Variants in TANC1 observed in about 807,000 individuals in gnomAD.
TANC1 encodes the protein tetratricopeptide repeat, ankyrin repeat and coiled-coil containing 1.
Under a neutral mutation model 149.7 loss-of-function variants are expected in TANC1, and 77 were observed. That is an observed-to-expected ratio of 0.51 (90% CI 0.43 to 0.62). The LOEUF is 0.62. Ranked by LOEUF, TANC1 falls within the 20% of genes least tolerant of loss-of-function variation. The pLI, the probability that TANC1 is intolerant of heterozygous loss-of-function variation, is 0.00. For missense variants in TANC1, 1,985 were observed against 2,321.8 expected (o/e 0.85, Z 2.98); for synonymous variants, 854 against 925.0 (o/e 0.92, Z 1.39).
At chr2:159,225,504 T>C in intron 23 of TANC1, 184 bp from the exon 24 acceptor site, 1 of 606,266 alleles carries the variant, frequency 1.6e-6, no homozygotes, top group Non-Finnish European at 3.0e-6. Flanking sequence ...CAGATTTGAG[T>C]GCCCAGGTCA....
chr2:159,202,892 T>A (rs922510780), intron 19 of TANC1, among the ~76,000 whole-genome samples: 6 of 152,052 alleles, frequency 3.9e-5, no homozygotes, highest in African/African-American at 1.4e-4. Flanking sequence ...TCCATGTCAG[T>A]GTTTGCTGTG....
chr2:159,054,092 T>A (rs2041669712), intron 2 of TANC1, among the ~76,000 whole-genome samples: 1 of 152,224 alleles, frequency 6.6e-6, no homozygotes, highest in Non-Finnish European at 1.5e-5. Context: ...TTCCACCTGT[T>A]GAGCAGCTTT....
intron 3 of TANC1, among the ~76,000 whole-genome samples, chr2:159,077,767 C>T (rs1291712892): frequency 3.3e-5 from 5 of 152,034 alleles, no homozygotes; most frequent in Non-Finnish European, 7.4e-5. Context: ...CAAGTCAGTT[C>T]TAGAGTGAAT....
intron 1 of TANC1, among the ~76,000 whole-genome samples, chr2:158,984,593 A>G (rs1330099277): frequency 6.6e-6 from 1 of 152,178 alleles, no homozygotes; most frequent in East Asian, 1.9e-4. Context: ...TCAGGGTTTG[A>G]GGCCCAGTGC....
intron 1 of TANC1, among the ~76,000 whole-genome samples, chr2:158,993,646 A>G (rs1452741812): frequency 6.6e-6 from 1 of 152,140 alleles, no homozygotes; most frequent in Non-Finnish European, 1.5e-5. Context: ...TTTTTTTGTT[A>G]AATTTTTTAA....
intron 10 of TANC1, 76 bp from the exon 11 acceptor site, chr2:159,172,044 AC>A (rs2055313466): frequency 8.3e-6 from 12 of 1,437,750 alleles, no homozygotes; most frequent in Non-Finnish European, 1.2e-5. Flanking sequence ...ATGCCCTGGC[AC>A]AAATCAAGAA....
intron 1 of TANC1, among the ~76,000 whole-genome samples, chr2:158,979,600 C>T (rs1257219888): frequency 6.6e-6 from 1 of 152,054 alleles, no homozygotes; most frequent in African/African-American, 2.4e-5. Flanking sequence ...AACTGAAAGA[C>T]TCAAAAGAGC....
rs192955504 is a variant in TANC1 at position 159,144,887 on chromosome 2, A to C, written c.365-4255A>C. On this transcript the variant is annotated intron_variant, in intron 5 of 26. Coordinates refer to ENST00000263635, the MANE Select transcript of TANC1 (RefSeq NM_033394.3). Reference sequence around the variant, plus strand: ...GTCAAACCAAGGGCCTGTCTCATTTAGCAGACTAGATTCACAAGTGCTATC... The same window carrying C: ...GTCAAACCAAGGGCCTGTCTCATTTCGCAGACTAGATTCACAAGTGCTATC... 1.4e-4 allele frequency among the ~76,000 whole-genome samples: 21 copies of C among 152,370 alleles called. No homozygotes were observed. In the East Asian group the frequency reaches 3.7e-3, roughly 27 times the overall value.
Position 159,132,635 on chromosome 2 carries a change from C to G in TANC1, c.260-3559C>G, listed in dbSNP as rs1483791348. ...TCCAAAGTAGCTGGGACTACAGGCACATGCCACCACACCCAGCTAATTTTT... is the reference window on the plus strand; with the variant it reads ...TCCAAAGTAGCTGGGACTACAGGCAGATGCCACCACACCCAGCTAATTTTT... On this transcript the variant is annotated intron_variant, in intron 4 of 26. Coordinates refer to ENST00000263635, the MANE Select transcript of TANC1 (RefSeq NM_033394.3). 2.7e-5 allele frequency among the ~76,000 whole-genome samples: 4 copies of G among 150,400 alleles called. No individual in the cohort carries two copies. The East Asian group carries it at 7.9e-4, about 30-fold the overall frequency.
At chr2:159,056,181 G>T in intron 2 of TANC1, 1 of 238,196 alleles carries the variant, frequency 4.2e-6, no homozygotes, top group Non-Finnish European at 8.9e-6. Flanking sequence ...TCATAGATGG[G>T]AAAATCCACA....
chr2:158,977,965 T>A (rs2033888725), intron 1 of TANC1, among the ~76,000 whole-genome samples: 1 of 152,194 alleles, frequency 6.6e-6, no homozygotes, highest in Non-Finnish European at 1.5e-5. Flanking sequence ...ATTGCTTTCT[T>A]ATGAACATTT....
chr2:159,147,594 G>A (rs2052280777), intron 5 of TANC1: 1 of 152,344 alleles, frequency 6.6e-6, no homozygotes, highest in Non-Finnish European at 1.5e-5. Flanking sequence ...TTGGCATGAG[G>A]TCGACCCGCC....
chr2:159,021,447 A>G (rs1388883968), intron 2 of TANC1, among the ~76,000 whole-genome samples: 1 of 152,144 alleles, frequency 6.6e-6, no homozygotes, highest in African/African-American at 2.4e-5. Flanking sequence ...AAAATAGGGA[A>G]GTAGCTGGGC....
chr2:158,995,278 A>G (rs1292244354), intron 1 of TANC1, among the ~76,000 whole-genome samples: 1 of 152,194 alleles, frequency 6.6e-6, no homozygotes, highest in African/African-American at 2.4e-5. Context: ...AAATTGCTAG[A>G]AACTGAGAGT....
intron 7 of TANC1, among the ~76,000 whole-genome samples, chr2:159,156,465 G>A (rs17703180): frequency 0.23 from 35,402 of 152,096 alleles, 5,327 homozygotes; most frequent in Non-Finnish European, 0.35. Flanking sequence ...ATTTATTGGC[G>A]CCTACTGTGT....
intron 1 of TANC1, among the ~76,000 whole-genome samples, chr2:158,985,779 G>A (rs1300231869): frequency 1.3e-5 from 2 of 152,158 alleles, no homozygotes; most frequent in African/African-American, 4.8e-5. Context: ...AAGTAGCTGG[G>A]ATTACAGGCA....
intron 4 of TANC1, among the ~76,000 whole-genome samples, chr2:159,099,064 G>A (rs1212168049): frequency 6.6e-6 from 1 of 152,122 alleles, no homozygotes; most frequent in African/African-American, 2.4e-5. Flanking sequence ...GTTTATGTGC[G>A]GGTAAAATTA....
intron 2 of TANC1, among the ~76,000 whole-genome samples, chr2:159,020,935 T>C (rs1265088849): frequency 1.3e-5 from 2 of 152,152 alleles, no homozygotes; most frequent in Non-Finnish European, 2.9e-5. Context: ...GCTTCTACTT[T>C]TATCTTTCCA....
At chr2:159,118,513 C>G (rs1238463503) in intron 4 of TANC1, among the ~76,000 whole-genome samples, 3 of 152,130 alleles carry the variant, frequency 2.0e-5, no homozygotes, top group Admixed American at 2.0e-4. Context: ...CACTTTGTTG[C>G]CTTGTTAACT....
Sources: gnomAD v4.1 joint callset for allele counts (sites outside exome capture counted in the v4.1 genomes callset) on GRCh38, gnomAD v4.1.1 for gene constraint, MANE v1.5 for transcripts, NCBI Gene and HGNC (gene_info 2026-07-23, HGNC 2026-07-21) for gene names.